The following GRIK2 variants were observed in gnomAD, a reference collection of about 807,000 sequenced individuals.
GRIK2 encodes glutamate ionotropic receptor kainate type subunit 2, also known as glutamate receptor ionotropic, kainate 2.
Under a neutral mutation model 100.3 loss-of-function variants are expected in GRIK2, and 32 were observed. That is an observed-to-expected ratio of 0.32 (90% CI 0.24 to 0.43). The LOEUF (loss-of-function observed/expected upper bound fraction) is 0.43, where lower values mean the gene tolerates loss of function less well. Ranked by LOEUF, GRIK2 falls within the 20% of genes least tolerant of loss-of-function variation. The pLI, the probability that GRIK2 is intolerant of heterozygous loss-of-function variation, is 1.00. For synonymous variants in GRIK2, 417 were observed against 389.4 expected (o/e 1.07, Z -0.83); for missense variants, 843 against 1,114.9 (o/e 0.76, Z 3.47).
intron 2 of GRIK2, among the ~76,000 whole-genome samples, chr6:101,485,250 G>A (rs1416347364): frequency 7.2e-5 from 11 of 152,150 alleles, no homozygotes; most frequent in Admixed American, 7.2e-4. Flanking sequence ...GAATATTTAA[G>A]TATCATAGAG....
At chr6:101,724,053 G>T (rs1297234537) in intron 7 of GRIK2, among the ~76,000 whole-genome samples, 2 of 151,570 alleles carry the variant, frequency 1.3e-5, no homozygotes, top group African/African-American at 4.9e-5. Flanking sequence ...AAGATCATAT[G>T]TTCTGTTTTG....
chr6:102,016,411 T>G (rs10457945), intron 14 of GRIK2, among the ~76,000 whole-genome samples: 34,627 of 151,672 alleles, frequency 0.23, 4,037 homozygotes, highest in Middle Eastern at 0.31. Context: ...TTGAAGACTG[T>G]TTTTCTGAAA....
intron 12 of GRIK2, among the ~76,000 whole-genome samples, chr6:101,895,990 G>A (rs9498741): frequency 2.6e-5 from 4 of 151,624 alleles, no homozygotes; most frequent in African/African-American, 9.7e-5. Context: ...ATGAAAATTA[G>A]ATATATTTTC....
chr6:101,650,085 C>T (rs185564479), intron 4 of GRIK2, among the ~76,000 whole-genome samples: 1 of 152,208 alleles, frequency 6.6e-6, no homozygotes, highest in Non-Finnish European at 1.5e-5. Flanking sequence ...CCAAAGCAGC[C>T]TGAAAGCAGG....
chr6:101,589,066 A>G (rs1212750992), intron 2 of GRIK2, among the ~76,000 whole-genome samples: 3 of 152,160 alleles, frequency 2.0e-5, no homozygotes, highest in African/African-American at 7.2e-5. Flanking sequence ...AATGGGCAGA[A>G]GAATATGGGA....
intron 2 of GRIK2, among the ~76,000 whole-genome samples, chr6:101,509,157 C>CAAAAAA (rs397885238): frequency 1.0e-5 from 1 of 100,278 alleles, no homozygotes; most frequent in Non-Finnish European, 2.1e-5. Flanking sequence ...GACTCTGTCT[C>CAAAAAA]AAAAAAAAAA....
chr6:101,968,351 G>GAGTT (rs1792826609), intron 14 of GRIK2, among the ~76,000 whole-genome samples: 1 of 152,032 alleles, frequency 6.6e-6, no homozygotes, highest in Admixed American at 6.6e-5. Flanking sequence ...ATTTCCTACA[G>GAGTT]AGTTAAAGCA....
chr6:101,767,572 A>T (rs1778115237), intron 7 of GRIK2, among the ~76,000 whole-genome samples: 1 of 152,166 alleles, frequency 6.6e-6, no homozygotes, highest in East Asian at 1.9e-4. Context: ...TTGGAAAAAT[A>T]TATTCTTAGA....
At chr6:101,971,540 T>G (rs1228975227) in intron 14 of GRIK2, among the ~76,000 whole-genome samples, 1 of 152,174 alleles carries the variant, frequency 6.6e-6, no homozygotes, top group South Asian at 2.1e-4. Flanking sequence ...TCAAAAATTC[T>G]TATTTTTTTC....
rs367775153 is a variant in GRIK2, at chr6:102,001,058, GAT to G, written c.2086-34281_2086-34280del. On this transcript the variant is annotated intron_variant, in intron 14 of 16. Transcript: ENST00000369134. The stretch of plus-strand genomic sequence containing the variant: ...TTTTGAAAAAATATAGATACTTCAG[GAT>G]ACTTCTAAATAGTGAGTGAGTGAAA... Among the ~76,000 whole-genome samples, 267 of 151,672 alleles carry G rather than the reference GAT, an allele frequency of 1.8e-3. 1 individual carries two copies. Among genetic ancestry groups the G allele is most frequent in the African/African-American group, 6.1e-3 (254 of 41,346 alleles).
At chr6:102,047,427 C>T (rs1770950406) in intron 15 of GRIK2, among the ~76,000 whole-genome samples, 1 of 152,032 alleles carries the variant, frequency 6.6e-6, no homozygotes, top group Non-Finnish European at 1.5e-5. Context: ...TATCTATGTT[C>T]ATAGATTGGA....
intron 2 of GRIK2, among the ~76,000 whole-genome samples, chr6:101,553,320 T>G (rs1156960891): frequency 6.6e-6 from 1 of 152,230 alleles, no homozygotes; most frequent in African/African-American, 2.4e-5. Context: ...AAAGAGTTAC[T>G]TTAAAATGTG....
At chr6:101,946,021 TAATC>T (rs1435522289) in intron 14 of GRIK2, among the ~76,000 whole-genome samples, 3 of 151,640 alleles carry the variant, frequency 2.0e-5, no homozygotes, top group Non-Finnish European at 2.9e-5. Flanking sequence ...TATAGTAAAT[TAATC>T]AATATAAGTA....
chr6:101,609,996 A>AG (rs1297767665), intron 2 of GRIK2, among the ~76,000 whole-genome samples: 3 of 151,738 alleles, frequency 2.0e-5, no homozygotes, highest in South Asian at 4.1e-4. Flanking sequence ...AGTTTTAAAA[A>AG]GGGGGAAACC....
At chr6:101,895,134 G>A (rs1309399532) in intron 12 of GRIK2, among the ~76,000 whole-genome samples, 1 of 151,758 alleles carries the variant, frequency 6.6e-6, no homozygotes. Context: ...AGGAGAAAGT[G>A]TAAAGGAAGG....
chr6:101,946,261 G>A (rs1223328352), intron 14 of GRIK2, among the ~76,000 whole-genome samples: 1 of 151,950 alleles, frequency 6.6e-6, no homozygotes. Context: ...TAATATGTAT[G>A]TGTGTGCATA....
chr6:102,032,785 T>C (rs1030412047), intron 14 of GRIK2, among the ~76,000 whole-genome samples: 1 of 151,360 alleles, frequency 6.6e-6, no homozygotes, highest in African/African-American at 2.4e-5. Context: ...ATATTTTCAG[T>C]TGGAGGCTCT....
At chr6:101,780,814 C>A (rs1018052705) in intron 7 of GRIK2, among the ~76,000 whole-genome samples, 1 of 152,098 alleles carries the variant, frequency 6.6e-6, no homozygotes, top group Non-Finnish European at 1.5e-5. Flanking sequence ...TAGGCCCCAG[C>A]GTGAAAGATA....
chr6:102,057,930 G>T (rs1272480271), intron 16 of GRIK2, among the ~76,000 whole-genome samples: 1 of 151,696 alleles, frequency 6.6e-6, no homozygotes, highest in East Asian at 1.9e-4. Flanking sequence ...TAATCAAAAG[G>T]TATAATGGGT....
Sources: allele counts gnomAD v4.1 joint callset (sites outside exome capture counted in the v4.1 genomes callset), GRCh38; gene constraint gnomAD v4.1.1; transcripts MANE v1.5; gene names NCBI Gene and HGNC (gene_info 2026-07-23, HGNC 2026-07-21).